Variants in PBRM1 observed in about 807,000 individuals in gnomAD.
PBRM1 encodes the protein protein polybromo-1.
PBRM1 carries 27 observed loss-of-function variants against 194.5 expected under a neutral mutation model. The observed-to-expected ratio is 0.14, with a 90% confidence interval of 0.10 to 0.19. The LOEUF is 0.19. Ranked by LOEUF, PBRM1 falls within the 10% of genes least tolerant of loss-of-function variation. The pLI, the probability that PBRM1 is intolerant of heterozygous loss-of-function variation, is 1.00. For missense variants in PBRM1, 1,466 were observed against 2,077.2 expected, an observed-to-expected ratio of 0.71 and a Z score of 5.72; for synonymous variants, 655 against 693.2, an observed-to-expected ratio of 0.94 and a Z score of 0.87.
At chr3:52,629,266 A>G (rs2095540959) in intron 11 of PBRM1, among the ~76,000 whole-genome samples, 1 of 152,224 alleles carries the variant, frequency 6.6e-6, no homozygotes, top group Non-Finnish European at 1.5e-5. Context: ...CTAAAACACT[A>G]TAAGAAATAA....
Position 52,550,372 on chromosome 3 carries a change from C to CT in PBRM1, c.4897+48dup. On this transcript the variant is annotated intron_variant, in intron 29 of 29. Transcript: ENST00000296302. ...TACTATGCTAACAGCAGTAAGACAG[C>CT]TTTGAGGAAGCATGTATTTCACAAA... 3.0e-6 allele frequency: 3 copies of CT among 1,004,452 alleles called. No individual in the cohort carries two copies. In the African/African-American group the frequency reaches 4.9e-5, roughly 16 times the overall value. The allele number at this position is 1,004,452 out of a possible 1,614,324, so 62.2% of individuals were successfully genotyped here.
rs1300087947 is a variant in PBRM1, at chr3:52,653,277, T to C, written c.646-1467A>G. ...AGTTTTTTCAAAACAAAATACCTTT[T>C]GAATGAAACTTTGTTAAAGAAATGA... On this transcript the variant is annotated intron_variant, in intron 5 of 29. Coordinates refer to ENST00000296302, the Ensembl canonical transcript of PBRM1. Among the ~76,000 whole-genome samples the C allele has an allele frequency of 2.0e-5, 3 of 152,278 alleles. 1 individual carries two copies. The highest frequency in any genetic ancestry group is 4.8e-5 in the African/African-American group (2 of 41,556).
At chr3:52,599,011 G>T (rs2093778454) in intron 17 of PBRM1, among the ~76,000 whole-genome samples, 1 of 116,058 alleles carries the variant, frequency 8.6e-6, no homozygotes, top group Admixed American at 9.8e-5. Context: ...AACAGTGCCA[G>T]ATATCTCAAA....
chr3:52,676,637 C>T (rs371368531), intron 2 of PBRM1, among the ~76,000 whole-genome samples: 14 of 152,216 alleles, frequency 9.2e-5, no homozygotes, highest in East Asian at 3.9e-4. Flanking sequence ...TAGAGTTGGG[C>T]GCTGCTGAAA....
At chr3:52,679,339 TCA>T (rs1248684580) in intron 1 of PBRM1, among the ~76,000 whole-genome samples, 1 of 152,256 alleles carries the variant, frequency 6.6e-6, no homozygotes, top group Non-Finnish European at 1.5e-5. Flanking sequence ...CACATGATAG[TCA>T]CACAGTTATT....
At chr3:52,593,779 G>T (rs1189108318) in intron 17 of PBRM1, among the ~76,000 whole-genome samples, 1 of 152,068 alleles carries the variant, frequency 6.6e-6, no homozygotes, top group East Asian at 1.9e-4. Flanking sequence ...ATTGTGCTGT[G>T]GTCTAAGAGA....
intron 18 of PBRM1, among the ~76,000 whole-genome samples, chr3:52,587,872 T>A (rs1221618629): frequency 6.6e-6 from 1 of 152,018 alleles, no homozygotes; most frequent in Non-Finnish European, 1.5e-5. Context: ...GCCTAAAAAA[T>A]GCATGCTACT....
chr3:52,636,757 CAAAAAAAAAAAAAAAA>C (rs567776784), intron 10 of PBRM1, among the ~76,000 whole-genome samples: 14 of 18,684 alleles, frequency 7.5e-4, no homozygotes, highest in Admixed American at 1.7e-3. Context: ...ACTCTGTCTC[CAAAAAAAAAAAAAAAA>C]AAAAAAAAAA....
chr3:52,635,710 A>G (rs2095785748), intron 10 of PBRM1, among the ~76,000 whole-genome samples: 1 of 152,218 alleles, frequency 6.6e-6, no homozygotes, highest in South Asian at 2.1e-4. Flanking sequence ...AAAGGTTGCA[A>G]AACAGTTTCT....
At chr3:52,675,913 A>C (rs2097090419) in intron 2 of PBRM1, among the ~76,000 whole-genome samples, 1 of 111,984 alleles carries the variant, frequency 8.9e-6, no homozygotes, top group Non-Finnish European at 1.9e-5. Flanking sequence ...CAGGAGATCG[A>C]GACCATCCCG....
intron 17 of PBRM1, among the ~76,000 whole-genome samples, chr3:52,596,182 G>C (rs921229689): frequency 6.6e-6 from 1 of 152,024 alleles, no homozygotes; most frequent in African/African-American, 2.4e-5. Flanking sequence ...GCTCACGCCT[G>C]TAATCCCAGC....
intron 22 of PBRM1, among the ~76,000 whole-genome samples, chr3:52,569,790 T>A (rs1350564141): frequency 6.6e-6 from 1 of 152,230 alleles, no homozygotes; most frequent in Non-Finnish European, 1.5e-5. Context: ...GGTTTGTTAT[T>A]TATTTATATT....
chr3:52,623,010 T>C (rs2095333121), intron 13 of PBRM1, among the ~76,000 whole-genome samples: 1 of 152,228 alleles, frequency 6.6e-6, no homozygotes, highest in Admixed American at 6.5e-5. Context: ...ACTATGCAGA[T>C]GTAAAAACTG....
At chr3:52,586,270 G>C in intron 20 of PBRM1, 155 bp downstream of exon 22, 1 of 656,058 alleles carries the variant, frequency 1.5e-6, no homozygotes, top group Non-Finnish European at 2.6e-6. Context: ...AGTTTTGAAA[G>C]TGTAAATTTC....
chr3:52,579,232 GT>G (rs1232718604), intron 20 of PBRM1, 33 bp from the exon 23 acceptor site: 2 of 1,597,804 alleles, frequency 1.3e-6, no homozygotes, highest in Admixed American at 1.7e-5. Flanking sequence ...AAGAAAGGTA[GT>G]TGATAATCAA....
chr3:52,552,199 C>A (rs2081144366), intron 27 of PBRM1, among the ~76,000 whole-genome samples: 1 of 152,168 alleles, frequency 6.6e-6, no homozygotes, highest in Non-Finnish European at 1.5e-5. Context: ...TGCCCTGGGA[C>A]ACTCACCCAC....
intron 2 of PBRM1, among the ~76,000 whole-genome samples, chr3:52,672,398 A>G (rs1186407500): frequency 6.6e-6 from 1 of 152,122 alleles, no homozygotes; most frequent in African/African-American, 2.4e-5. Flanking sequence ...CAGGGATTAG[A>G]ATGTGGAAAT....
intron 17 of PBRM1, among the ~76,000 whole-genome samples, chr3:52,591,511 G>GTTTTTTTT (rs57736913): frequency 1.0e-3 from 75 of 71,850 alleles, no homozygotes; most frequent in African/African-American, 1.4e-3. Flanking sequence ...TTTTGTCTTT[G>GTTTTTTTT]TTTTTTTTTT....
intron 18 of PBRM1, among the ~76,000 whole-genome samples, 180 bp from the exon 21 acceptor site, chr3:52,587,690 A>G (rs922773851): frequency 2.6e-5 from 4 of 151,064 alleles, no homozygotes; most frequent in Non-Finnish European, 4.4e-5. Flanking sequence ...GACTACAAGT[A>G]TAAGTCACTG....
Sources: allele counts gnomAD v4.1 joint callset (sites outside exome capture counted in the v4.1 genomes callset), GRCh38; gene constraint gnomAD v4.1.1; transcripts MANE v1.5; gene names NCBI Gene and HGNC (gene_info 2026-07-23, HGNC 2026-07-21).